GUCY2C: variants seen among roughly 807,000 people sequenced by gnomAD.
The protein encoded by GUCY2C is guanylate cyclase 2C, also known as guanylyl cyclase C.
GUCY2C carries 118 observed loss-of-function variants against 131.1 expected under a neutral mutation model. That is an observed-to-expected ratio of 0.90 (90% confidence interval 0.78 to 1.05). GUCY2C has a LOEUF of 1.05. GUCY2C is among the 50% of genes least tolerant of loss of function. The pLI, the probability that GUCY2C is intolerant of heterozygous loss-of-function variation, is 0.00. For missense variants in GUCY2C, 1,161 were observed against 1,304.4 expected, an observed-to-expected ratio of 0.89 and a Z score of 1.69; for synonymous variants, 452 against 457.8, an observed-to-expected ratio of 0.99 and a Z score of 0.16.
chr12:14,613,335 C>T lies in GUCY2C; in HGVS notation c.3048-44G>A. ...GAGAAAATAGAACTTCTCAGCAATTCATACAGAATATTCCTTAGCTCCAGA... is the reference window on the plus strand; with the variant it reads ...GAGAAAATAGAACTTCTCAGCAATTTATACAGAATATTCCTTAGCTCCAGA... On this transcript the variant is annotated intron_variant, in intron 26 of 26. Coordinates refer to ENST00000261170, the MANE Select transcript of GUCY2C (RefSeq NM_004963.4). The surrounding 1 kb of genome is among the most constrained non-coding windows in gnomAD (Gnocchi z 4.9). 1 of 1,413,924 alleles carries T rather than the reference C, an allele frequency of 7.1e-7. No homozygotes were observed. Among genetic ancestry groups the T allele is most frequent in the Non-Finnish European group, 1.0e-6 (1 of 999,042 alleles). The allele number at this position is 1,413,924 out of a possible 1,614,324, so 87.6% of individuals were successfully genotyped here.
chr12:14,674,289 C>A, intron 8 of GUCY2C: 2 of 340,502 alleles, frequency 5.9e-6, no homozygotes, highest in Non-Finnish European at 1.1e-5. Flanking sequence ...GGACCCAAAT[C>A]AAACTGCAAA....
chr12:14,681,841 C>T (rs1387146127), intron 4 of GUCY2C, among the ~76,000 whole-genome samples: 1 of 152,146 alleles, frequency 6.6e-6, no homozygotes, highest in African/African-American at 2.4e-5. Flanking sequence ...TTTCTGGCTG[C>T]TTGCAGGAAG....
intron 23 of GUCY2C, among the ~76,000 whole-genome samples, chr12:14,619,917 G>A (rs958931739): frequency 5.3e-5 from 8 of 152,200 alleles, no homozygotes; most frequent in South Asian, 2.1e-4. Flanking sequence ...GGCATATTAG[G>A]TAGGAAATAA....
intron 15 of GUCY2C, among the ~76,000 whole-genome samples, 159 bp downstream of exon 15, chr12:14,651,248 A>G (rs1192183643): frequency 1.3e-5 from 2 of 152,158 alleles, no homozygotes; most frequent in African/African-American, 2.4e-5. Flanking sequence ...TAAAAACATA[A>G]TAAGACTGAA....
At chr12:14,686,330 C>T (rs1948469344) in intron 2 of GUCY2C, 105 bp from the exon 3 acceptor site, 1 of 797,292 alleles carries the variant, frequency 1.3e-6, no homozygotes, top group Non-Finnish European at 2.1e-6. Flanking sequence ...GAAAGTTGGG[C>T]CTCCCAAAAT....
chr12:14,683,025 T>C lies in GUCY2C; in HGVS notation c.611+17A>G. 6.4e-7 allele frequency: 1 copy of C among 1,557,098 alleles called. No homozygotes were observed. Among genetic ancestry groups the C allele is most frequent in the South Asian group, 1.1e-5 (1 of 89,914 alleles). On this transcript the variant is annotated intron_variant, in intron 4 of 26. Coordinates refer to ENST00000261170, the MANE Select transcript of GUCY2C (RefSeq NM_004963.4). ...CTCCATGGCAAGTGCTAGTGAAATATTAATGATCCTGCTTACCAGAAACAG... is the reference window on the plus strand; with the variant it reads ...CTCCATGGCAAGTGCTAGTGAAATACTAATGATCCTGCTTACCAGAAACAG...
At chr12:14,625,495 T>A (rs1946993168) in intron 21 of GUCY2C, among the ~76,000 whole-genome samples, 1 of 151,808 alleles carries the variant, frequency 6.6e-6, no homozygotes, top group African/African-American at 2.4e-5. Flanking sequence ...ACCTGGCTAA[T>A]TTTTTTTATT....
intron 2 of GUCY2C, among the ~76,000 whole-genome samples, chr12:14,687,545 C>T (rs1948494706): frequency 6.6e-6 from 1 of 152,124 alleles, no homozygotes; most frequent in East Asian, 1.9e-4. Context: ...CACCTGAGCC[C>T]AGGAGCTCAA....
intron 1 of GUCY2C, among the ~76,000 whole-genome samples, chr12:14,695,600 C>CA (rs557450619): frequency 0.24 from 14,205 of 58,226 alleles, 1,854 homozygotes; most frequent in African/African-American, 0.35. Context: ...GACTCCATCT[C>CA]AAAAAAAAAA....
chr12:14,669,682 AAC>A lies in GUCY2C; in HGVS notation c.1282+38_1282+39del, dbSNP rs753421829. On this transcript the variant is annotated intron_variant, in intron 10 of 26. Coordinates refer to ENST00000261170, the MANE Select transcript of GUCY2C (RefSeq NM_004963.4). ...TAGACTTTACTTTTCTTACCAGGAA[AAC>A]AGTGTCAGGGAGAGAAAATTCATTA... The A allele has an allele frequency of 1.9e-5, 19 of 989,464 alleles. No homozygotes were observed. In the African/African-American group the frequency reaches 2.5e-4, roughly 13 times the overall value. 61.3% of individuals were successfully genotyped at this position (989,464 alleles called of 1,614,324 possible).
chr12:14,692,574 G>A (rs937785537), intron 1 of GUCY2C, among the ~76,000 whole-genome samples: 1 of 152,110 alleles, frequency 6.6e-6, no homozygotes, highest in African/African-American at 2.4e-5. Flanking sequence ...TAGGCCAGGT[G>A]CGGTGGCTCA....
intron 8 of GUCY2C, among the ~76,000 whole-genome samples, chr12:14,674,138 C>T (rs1347741530): frequency 1.3e-5 from 2 of 152,078 alleles, no homozygotes; most frequent in Non-Finnish European, 2.9e-5. Context: ...TCACTAGGGG[C>T]TTGTAGGAAA....
At chr12:14,652,914 T>C (rs369042362) in intron 13 of GUCY2C, 38 bp downstream of exon 13, 13 of 1,374,294 alleles carry the variant, frequency 9.5e-6, no homozygotes, top group Admixed American at 1.7e-5. Flanking sequence ...GCCCAGAGCA[T>C]ACCCCAGTGG....
chr12:14,613,346 T>C lies in GUCY2C; in HGVS notation c.3048-55A>G. On this transcript the variant is annotated intron_variant, in intron 26 of 26. Transcript: ENST00000261170. The surrounding 1 kb of genome is among the most constrained non-coding windows in gnomAD (Gnocchi z 4.9). Reference sequence around the variant, plus strand: ...ACTTCTCAGCAATTCATACAGAATATTCCTTAGCTCCAGAATAATCAGTTC... The same window carrying C: ...ACTTCTCAGCAATTCATACAGAATACTCCTTAGCTCCAGAATAATCAGTTC... 1 of 1,299,364 alleles carries C rather than the reference T, an allele frequency of 7.7e-7. No homozygotes were observed. Among genetic ancestry groups the C allele is most frequent in the Non-Finnish European group, 1.1e-6 (1 of 895,936 alleles). 80.5% of individuals were successfully genotyped at this position (1,299,364 alleles called of 1,614,324 possible). A position where few individuals can be genotyped will look rare whatever the true frequency, so the allele number is the denominator to read the frequency against.
chr12:14,644,413 G>A (rs1947471443), intron 16 of GUCY2C, among the ~76,000 whole-genome samples: 1 of 152,148 alleles, frequency 6.6e-6, no homozygotes, highest in Admixed American at 6.6e-5. Context: ...TGGCTGATGT[G>A]CTTCTCTCTT....
intron 19 of GUCY2C, among the ~76,000 whole-genome samples, chr12:14,630,166 G>A (rs1330748696): frequency 6.6e-6 from 1 of 151,004 alleles, no homozygotes; most frequent in Non-Finnish European, 1.5e-5. Context: ...TTTTCACTCC[G>A]GCTAAAAACA....
At chr12:14,634,913 T>A (rs1185933280) in intron 19 of GUCY2C, among the ~76,000 whole-genome samples, 2 of 152,116 alleles carry the variant, frequency 1.3e-5, no homozygotes, top group South Asian at 2.1e-4. Flanking sequence ...AGCAAGAGGA[T>A]ATAACAATTC....
chr12:14,681,072 A>G (rs942691844), intron 5 of GUCY2C, among the ~76,000 whole-genome samples: 4 of 152,114 alleles, frequency 2.6e-5, no homozygotes, highest in Non-Finnish European at 4.4e-5. Context: ...GTGGGTCATA[A>G]TATCATTTGG....
intron 12 of GUCY2C, among the ~76,000 whole-genome samples, chr12:14,655,893 T>C (rs1487173631): frequency 1.3e-5 from 2 of 152,188 alleles, no homozygotes; most frequent in Admixed American, 1.3e-4. Context: ...CTATTATTAC[T>C]TATAGTTATC....
Sources: allele counts gnomAD v4.1 joint callset (sites outside exome capture counted in the v4.1 genomes callset), GRCh38; gene constraint gnomAD v4.1.1; non-coding constraint Gnocchi (gnomAD v3.1); transcripts MANE v1.5; gene names NCBI Gene and HGNC (gene_info 2026-07-23, HGNC 2026-07-21).